The following RBFOX1 variants were observed in gnomAD, a reference collection of about 807,000 sequenced individuals.
The protein encoded by RBFOX1 is RNA binding fox-1 homolog 1.
Under a neutral mutation model 57.7 loss-of-function variants are expected in RBFOX1, and 8 were observed. That is an observed-to-expected ratio of 0.14 (90% confidence interval 0.08 to 0.25). The LOEUF (loss-of-function observed/expected upper bound fraction) is 0.25. Among genes scored for constraint, RBFOX1 ranks in the 10% least tolerant of loss-of-function variants. RBFOX1 has a pLI of 1.00. For synonymous variants in RBFOX1, 326 were observed against 222.4 expected (o/e 1.47, Z -4.15); for missense variants, 611 against 548.5 (o/e 1.11, Z -1.14).
At chr16:5,373,758 C>G (rs1341683697) in intron 1 of RBFOX1, among the ~76,000 whole-genome samples, 2 of 151,656 alleles carry the variant, frequency 1.3e-5, no homozygotes, top group Admixed American at 6.6e-5. Flanking sequence ...TGCCGACCAC[C>G]ACACCCAGCT....
intron 3 of RBFOX1, among the ~76,000 whole-genome samples, chr16:5,687,989 T>C (rs1389321672): frequency 6.6e-6 from 1 of 152,222 alleles, no homozygotes; most frequent in African/African-American, 2.4e-5. Flanking sequence ...TCTCGTTCTC[T>C]GCAAGGGCCC....
chr16:6,346,602 C>T (rs998471057), intron 2 of RBFOX1, among the ~76,000 whole-genome samples: 4 of 152,226 alleles, frequency 2.6e-5, no homozygotes, highest in African/African-American at 7.2e-5. Context: ...CTCTGAAACT[C>T]TTCTGGTTCC....
chr16:5,810,710 C>T (rs1408981267), intron 3 of RBFOX1, among the ~76,000 whole-genome samples: 7 of 152,202 alleles, frequency 4.6e-5, no homozygotes, highest in Admixed American at 3.3e-4. Flanking sequence ...CCCAGACTTC[C>T]ATCCCATTTG....
intron 4 of RBFOX1, among the ~76,000 whole-genome samples, chr16:5,965,878 C>G (rs1207269313): frequency 1.3e-5 from 2 of 152,094 alleles, no homozygotes; most frequent in Non-Finnish European, 2.9e-5. Flanking sequence ...CTTTCCTCCT[C>G]CAGCTCACAC....
In RBFOX1 at chr16:6,256,922, G is replaced by T. The variant is rs535713931; in HGVS notation, c.-126-60073G>T. ...CCTTAGAAGGCTGTAGTAAAACTTA[G>T]GTGGAGAAGTCCTAATAATGTGTGC... On this transcript the variant is annotated intron_variant, in intron 1 of 15. Transcript: ENST00000550418. 7.0e-4 allele frequency among the ~76,000 whole-genome samples: 107 copies of T among 152,122 alleles called. 1 individual carries two copies. The highest frequency in any genetic ancestry group is 3.4e-3 in the Middle Eastern group (1 of 294).
intron 4 of RBFOX1, chr16:7,304,180 G>T (rs2096110660): frequency 2.0e-6 from 2 of 978,154 alleles, no homozygotes; most frequent in Middle Eastern, 5.3e-4. Context: ...GGGGGAGGGA[G>T]GAGGAAAGAG....
At chr16:7,686,754 C>A (rs1031162808) in intron 14 of RBFOX1, among the ~76,000 whole-genome samples, 1 of 152,042 alleles carries the variant, frequency 6.6e-6, no homozygotes, top group Non-Finnish European at 1.5e-5. Flanking sequence ...TTATATGCAA[C>A]AAAGCATGGT....
At chr16:5,450,767 C>A (rs74385762) in intron 1 of RBFOX1, among the ~76,000 whole-genome samples, 24 of 152,226 alleles carry the variant, frequency 1.6e-4, no homozygotes, top group African/African-American at 4.6e-4. Flanking sequence ...GCTGCAGGCC[C>A]CCTTGTGACT....
intron 3 of RBFOX1, among the ~76,000 whole-genome samples, chr16:6,658,302 G>A (rs532045369): frequency 2.0e-4 from 30 of 150,366 alleles, no homozygotes; most frequent in Middle Eastern, 6.4e-3. Context: ...TGGTGTGATC[G>A]TGATCTCAGC....
At chr16:6,574,341 G>A (rs1600288677) in intron 2 of RBFOX1, among the ~76,000 whole-genome samples, 1 of 151,866 alleles carries the variant, frequency 6.6e-6, no homozygotes, top group East Asian at 2.0e-4. Flanking sequence ...TTCTCTGCCT[G>A]TGCGTCAGTT....
At chr16:5,359,374 T>C (rs779522306) in intron 1 of RBFOX1, among the ~76,000 whole-genome samples, 2 of 152,236 alleles carry the variant, frequency 1.3e-5, no homozygotes, top group African/African-American at 2.4e-5. Flanking sequence ...ACTTTTAGTT[T>C]TCTGAGGAGC....
At position 7,478,798 on chromosome 16, in the gene RBFOX1, C is replaced by G. The variant is rs79699291; in HGVS notation, c.28-39349C>G. ...TATGCTACTTGCTAAATAAATGGAT[C>G]TAGTCTAGATGCCAACAATACCCTG... On this transcript the variant is annotated intron_variant, in intron 4 of 15. Coordinates refer to ENST00000550418, the MANE Select transcript of RBFOX1 (RefSeq NM_018723.4). 5.6e-4 allele frequency among the ~76,000 whole-genome samples: 85 copies of G among 152,282 alleles called. 1 individual carries two copies. In the East Asian group the frequency reaches 0.016, roughly 29 times the overall value.
intron 4 of RBFOX1, among the ~76,000 whole-genome samples, chr16:7,168,450 A>G (rs1156728246): frequency 1.3e-5 from 2 of 152,192 alleles, no homozygotes; most frequent in Non-Finnish European, 2.9e-5. Flanking sequence ...GAATTCGTGA[A>G]CCTCATTGGC....
intron 4 of RBFOX1, among the ~76,000 whole-genome samples, chr16:7,062,451 G>A (rs2054664493): frequency 6.6e-6 from 1 of 152,068 alleles, no homozygotes; most frequent in African/African-American, 2.4e-5. Flanking sequence ...CATGGGTACA[G>A]CAAGCATGTG....
intron 3 of RBFOX1, among the ~76,000 whole-genome samples, chr16:6,901,598 G>A (rs377118989): frequency 2.6e-5 from 4 of 152,286 alleles, no homozygotes; most frequent in South Asian, 4.1e-4. Flanking sequence ...GTGAGAGGCT[G>A]AGGGGGAAAA....
chr16:5,966,409 G>A (rs999052693), intron 4 of RBFOX1, among the ~76,000 whole-genome samples: 5 of 152,176 alleles, frequency 3.3e-5, no homozygotes, highest in African/African-American at 1.2e-4. Flanking sequence ...GGTTCACATG[G>A]CCGGAGCAGG....
intron 1 of RBFOX1, among the ~76,000 whole-genome samples, chr16:6,044,937 A>C (rs1277126382): frequency 6.6e-6 from 1 of 152,174 alleles, no homozygotes; most frequent in African/African-American, 2.4e-5. Flanking sequence ...ATTTTGAGCT[A>C]TTTGTGCTAT....
chr16:6,279,302 A>G (rs1487632243), intron 1 of RBFOX1, among the ~76,000 whole-genome samples: 1 of 152,224 alleles, frequency 6.6e-6, no homozygotes, highest in Admixed American at 6.5e-5. Flanking sequence ...CATTAGAGCC[A>G]TAAATAGAAT....
Position 6,300,446 on chromosome 16 carries a change from CAACTT to C in RBFOX1, c.-126-16546_-126-16542del, listed in dbSNP as rs541694800. ...CACCATAAATATACACAATTTTTGT[CAACTT>C]AAAGAATAAAAAGAAATCCCTCCGC... On this transcript the variant is annotated intron_variant, in intron 1 of 15. Coordinates refer to ENST00000550418, the MANE Select transcript of RBFOX1 (RefSeq NM_018723.4). Among the ~76,000 whole-genome samples, 13 of 152,256 alleles carry C rather than the reference CAACTT, an allele frequency of 8.5e-5. No homozygotes were observed. The East Asian group carries it at 2.5e-3, about 29-fold the overall frequency.
Sources: gnomAD v4.1 joint callset for allele counts (sites outside exome capture counted in the v4.1 genomes callset) on GRCh38, gnomAD v4.1.1 for gene constraint, MANE v1.5 for transcripts, NCBI Gene and HGNC (gene_info 2026-07-23, HGNC 2026-07-21) for gene names.